The following SPINK2 variants were observed in gnomAD, a reference collection of about 807,000 sequenced individuals.
SPINK2 encodes the protein serine protease inhibitor Kazal-type 2.
In SPINK2, 8 loss-of-function variants were observed where a neutral mutation model predicts 13.5. The ratio of observed to expected loss-of-function variants is 0.59; its 90% CI spans 0.35 to 1.07. The LOEUF (loss-of-function observed/expected upper bound fraction) is 1.07, where lower values mean the gene tolerates loss of function less well. Ranked by LOEUF, SPINK2 falls within the 50% of genes least tolerant of loss-of-function variation. The probability of loss-of-function intolerance (pLI) is 0.02; values close to 1 mark genes in which losing one functional copy is unlikely to be tolerated. For synonymous variants in SPINK2, 76 were observed against 74.7 expected (o/e 1.02, Z -0.09); for missense variants, 148 against 180.3 (o/e 0.82, Z 1.03).
At chr4:56,820,059 T>C (rs781344928) in intron 2 of SPINK2, among the ~76,000 whole-genome samples, 21 of 152,178 alleles carry the variant, frequency 1.4e-4, no homozygotes, top group Non-Finnish European at 2.4e-4. Context: ...CACCTACAGC[T>C]TCCCTGTGCC....
Position 56,811,787 on chromosome 4 carries a change from C to A in SPINK2, c.257G>T (p.Cys86Phe). ...ACATCCTGGTAATCTATACTGAGAG[C>A]AGTTTGGCTGGAAAAAAGAAAGAGA... Reference protein sequence around the residue: ...GLFSKYRTPNCSQYRLPGCPR... With the variant: ...GLFSKYRTPNFSQYRLPGCPR... The change falls in exon 3 of 4, where the codon TGC (cysteine) becomes TTC (phenylalanine). Residue 86 changes from cysteine (C) to phenylalanine (F), a missense_variant. Coordinates refer to ENST00000506738, the MANE Select transcript of SPINK2 (RefSeq NM_001271718.2). 1 of 1,603,908 alleles carries A rather than the reference C, an allele frequency of 6.2e-7. No individual in the cohort carries two copies.
At position 56,821,447 on chromosome 4, in the gene SPINK2, C is replaced by T; in HGVS notation, c.205+11G>A. ...AGCCACCCCCACAACCCCCAGTTCG[C>T]GTTCCTCCACCTGGCAGGTCCTCTG... On this transcript the variant is annotated intron_variant, in intron 1 of 3. Transcript: ENST00000506738. 4 of 1,507,360 alleles carry T rather than the reference C, an allele frequency of 2.7e-6. No homozygotes were observed. Among genetic ancestry groups the T allele is most frequent in the Admixed American group, 2.1e-5 (1 of 47,086 alleles). The allele number at this position is 1,507,360 out of a possible 1,614,324, so 93.4% of individuals were successfully genotyped here.
At chr4:56,819,443 T>C (rs1397479599) in intron 2 of SPINK2, among the ~76,000 whole-genome samples, 1 of 152,130 alleles carries the variant, frequency 6.6e-6, no homozygotes, top group Non-Finnish European at 1.5e-5. Flanking sequence ...ACCCACAACC[T>C]GCAGCATCCT....
chr4:56,816,970 G>A (rs917425148), intron 2 of SPINK2, among the ~76,000 whole-genome samples: 6 of 152,156 alleles, frequency 3.9e-5, no homozygotes, highest in Admixed American at 3.3e-4. Flanking sequence ...TGGGGAGGCT[G>A]AGCCGGGCAG....
At chr4:56,819,813 C>T (rs1717779798) in intron 2 of SPINK2, among the ~76,000 whole-genome samples, 1 of 152,028 alleles carries the variant, frequency 6.6e-6, no homozygotes, top group Non-Finnish European at 1.5e-5. Flanking sequence ...GACGGGGTTT[C>T]ACCATGTTAG....
chr4:56,811,969 C>T (rs1362232015), intron 2 of SPINK2, among the ~76,000 whole-genome samples, 175 bp from the exon 3 acceptor site: 7 of 139,402 alleles, frequency 5.0e-5, no homozygotes, highest in African/African-American at 1.9e-4. Flanking sequence ...GACAGAGTCT[C>T]GCCCTGCAAC....
chr4:56,820,656 A>T (rs955336878), intron 1 of SPINK2, 77 bp from the exon 2 acceptor site: 174 of 1,081,290 alleles, frequency 1.6e-4, no homozygotes, highest in African/African-American at 1.4e-3. Flanking sequence ...TTTTTTTTTT[A>T]AATGAAGTCT....
In SPINK2 at chr4:56,813,647, T is replaced by C. The variant is rs537892364; in HGVS notation, c.250-1853A>G. Among the ~76,000 whole-genome samples the C allele has an allele frequency of 2.6e-5, 4 of 152,028 alleles. No individual in the cohort carries two copies. In the South Asian group the frequency reaches 8.3e-4, roughly 32 times the overall value. Reference sequence around the variant, plus strand: ...TTTTTTTTTTTTTGAGACAGAGTTTTGCTCTTGTTGCCCAAGCTGGAGTGC... The same window carrying C: ...TTTTTTTTTTTTTGAGACAGAGTTTCGCTCTTGTTGCCCAAGCTGGAGTGC... On this transcript the variant is annotated intron_variant, in intron 2 of 3. Transcript: ENST00000506738.
intron 3 of SPINK2, 136 bp from the exon 4 acceptor site, chr4:56,810,320 T>A: frequency 1.3e-6 from 1 of 788,800 alleles, no homozygotes. Flanking sequence ...AATCATTTTT[T>A]AAGCTAAATC....
Position 56,809,999 on chromosome 4 carries a change from C to T in SPINK2, c.*140G>A, listed in dbSNP as rs1716846513. ...ATTATCCATCACTACACATGGCTGTCTTCCATACCTGCTCTCAGAAAATGT... is the reference window on the plus strand; with the variant it reads ...ATTATCCATCACTACACATGGCTGTTTTCCATACCTGCTCTCAGAAAATGT... On this transcript the variant is annotated 3_prime_UTR_variant, in exon 4 of 4. Coordinates refer to ENST00000506738, the MANE Select transcript of SPINK2 (RefSeq NM_001271718.2). 32 of 1,514,684 alleles carry T rather than the reference C, an allele frequency of 2.1e-5. No homozygotes were observed. The highest frequency in any genetic ancestry group is 2.7e-5 in the Non-Finnish European group (31 of 1,137,756). The allele number at this position is 1,514,684 out of a possible 1,614,324, so 93.8% of individuals were successfully genotyped here.
At chr4:56,819,136 T>C (rs1365046177) in intron 2 of SPINK2, among the ~76,000 whole-genome samples, 1 of 152,118 alleles carries the variant, frequency 6.6e-6, no homozygotes, top group East Asian at 1.9e-4. Context: ...TATGAAGCAT[T>C]TAGAACACTG....
intron 2 of SPINK2, among the ~76,000 whole-genome samples, chr4:56,812,226 A>G (rs1267196730): frequency 1.3e-5 from 2 of 151,282 alleles, no homozygotes; most frequent in African/African-American, 4.9e-5. Flanking sequence ...AATCAGATAC[A>G]ATGTTGGTGT....
chr4:56,809,926 T>G lies in SPINK2; in HGVS notation c.*213A>C. 7.4e-7 allele frequency: 1 copy of G among 1,358,670 alleles called. No individual in the cohort carries two copies. Among genetic ancestry groups the G allele is most frequent in the Non-Finnish European group, 9.7e-7 (1 of 1,030,244 alleles). 84.2% of individuals were successfully genotyped at this position (1,358,670 alleles called of 1,614,324 possible). A position where few individuals can be genotyped will look rare whatever the true frequency, so the allele number is the denominator to read the frequency against. ...GCACAAGTCACCTGGGCAGTAAGCT[T>G]AACTCCAGGAGCAAAAGCCAAGAAA... On this transcript the variant is annotated 3_prime_UTR_variant, in exon 4 of 4. Transcript: ENST00000506738.
At chr4:56,821,742 G>A, upstream of SPINK2, 1 of 1,342,934 alleles carries the variant, frequency 7.4e-7, no homozygotes, top group South Asian at 1.6e-5. Context: ...GACGGGGCGC[G>A]GGGAGGGCGG....
At chr4:56,815,779 C>CAT (rs1275154826) in intron 2 of SPINK2, among the ~76,000 whole-genome samples, 1 of 132,972 alleles carries the variant, frequency 7.5e-6, no homozygotes. Flanking sequence ...CACACACACA[C>CAT]ACACACACAC....
upstream of SPINK2, chr4:56,821,840 A>C (rs13129213): frequency 1.7e-6 from 1 of 591,828 alleles, no homozygotes; most frequent in Non-Finnish European, 2.6e-6. Flanking sequence ...CGGGAAGAGG[A>C]GCCGTGAAGG....
At chr4:56,820,046 G>C (rs567512245) in intron 2 of SPINK2, among the ~76,000 whole-genome samples, 1 of 152,218 alleles carries the variant, frequency 6.6e-6, no homozygotes, top group Non-Finnish European at 1.5e-5. Flanking sequence ...CTTCTAGTTA[G>C]CTCACCTACA....
At chr4:56,813,479 A>G (rs905254020) in intron 2 of SPINK2, among the ~76,000 whole-genome samples, 1 of 152,052 alleles carries the variant, frequency 6.6e-6, no homozygotes, top group African/African-American at 2.4e-5. Flanking sequence ...TGTTAGGAGG[A>G]GGGAAGTGGC....
intron 2 of SPINK2, among the ~76,000 whole-genome samples, chr4:56,812,563 CA>C (rs57162077): frequency 0.14 from 2,246 of 16,300 alleles, 5 homozygotes; most frequent in African/African-American, 0.24. Context: ...AACTCCATCT[CA>C]AAAAAAAAAA....
Sources: allele counts gnomAD v4.1 joint callset (sites outside exome capture counted in the v4.1 genomes callset), GRCh38; gene constraint gnomAD v4.1.1; transcripts MANE v1.5; gene names NCBI Gene and HGNC (gene_info 2026-07-23, HGNC 2026-07-21).